Variants in ZNF136 observed in about 807,000 individuals in gnomAD.
ZNF136 encodes zinc finger protein 136 (clone pHZ-20).
A neutral mutation model predicts 11.4 loss-of-function variants in ZNF136; 8 were observed. The ratio of observed to expected loss-of-function variants is 0.70; its 90% CI spans 0.41 to 1.27. The LOEUF (loss-of-function observed/expected upper bound fraction) is 1.27, where lower values mean the gene tolerates loss of function less well. Among genes scored for constraint, ZNF136 ranks in the 50% most tolerant of loss-of-function variants. ZNF136 has a pLI of 0.01. For synonymous variants in ZNF136, 190 were observed against 207.1 expected (o/e 0.92, Z 0.71); for missense variants, 590 against 656.5 (o/e 0.90, Z 1.11).
intron 1 of ZNF136, among the ~76,000 whole-genome samples, chr19:12,172,873 G>T (rs1914696405): frequency 1.3e-5 from 2 of 152,124 alleles, no homozygotes; most frequent in South Asian, 4.1e-4. Flanking sequence ...TGAGCTGGGT[G>T]TGATGGTGCG....
At chr19:12,185,741 T>G in intron 1 of ZNF136, 44 bp from the exon 2 acceptor site, 1 of 1,596,962 alleles carries the variant, frequency 6.3e-7, no homozygotes, top group Non-Finnish European at 8.5e-7. Flanking sequence ...CCCAGCCCTG[T>G]CTGTCTCACC....
chr19:12,185,689 A>T lies in ZNF136; in HGVS notation c.4-96A>T, dbSNP rs1915061699. 22 of 1,470,988 alleles carry T rather than the reference A, an allele frequency of 1.5e-5. 1 individual carries two copies. In the South Asian group the frequency reaches 3.1e-4, roughly 20 times the overall value. 91.1% of individuals were successfully genotyped at this position (1,470,988 alleles called of 1,614,324 possible). On this transcript the variant is annotated intron_variant, in intron 1 of 3. Transcript: ENST00000343979. Reference sequence around the variant, plus strand: ...CAAACAGTGGAGTAAATGTTTGCAGACCCCTGAAACATGTGAACTTCTTAT... The same window carrying T: ...CAAACAGTGGAGTAAATGTTTGCAGTCCCCTGAAACATGTGAACTTCTTAT...
Position 12,186,683 on chromosome 19 carries a change from G to T in ZNF136, c.305G>T (p.Cys102Phe), listed in dbSNP as rs760377377. The change falls in exon 4 of 4, where the codon TGT becomes TTT. Residue 102 changes from cysteine (C) to phenylalanine (F), a missense_variant. Coordinates refer to ENST00000343979, the MANE Select transcript of ZNF136 (RefSeq NM_003437.5). ...LSKKIPGVKL[C>F]ESIVYGEVSM... is the part of the protein sequence containing the mutation. ...AAGAAAATCCCTGGAGTGAAACTCT[G>T]TGAAAGCATTGTATATGGAGAAGTC... The T allele has an allele frequency of 6.2e-7, 1 of 1,614,150 alleles. No homozygotes were observed. The highest frequency in any genetic ancestry group is 8.5e-7 in the Non-Finnish European group (1 of 1,180,020).
chr19:12,186,756 A>G lies in ZNF136; in HGVS notation c.378A>G (p.Gly126=). Residue 126 remains glycine, a synonymous_variant, in exon 4 of 4, where the codon GGA becomes GGG. Transcript: ENST00000343979. ...ATAGACACATCAAAGATCACAGTGGACATGAACCAAAGGAATATCAGGAAT... is the reference window on the plus strand; with the variant it reads ...ATAGACACATCAAAGATCACAGTGGGCATGAACCAAAGGAATATCAGGAAT... ...SLNRHIKDHS[G]HEPKEYQEYG... The G allele has an allele frequency of 6.2e-7, 1 of 1,614,200 alleles. No individual in the cohort carries two copies. The highest frequency in any genetic ancestry group is 1.3e-5 in the African/African-American group (1 of 75,080).
intron 1 of ZNF136, among the ~76,000 whole-genome samples, chr19:12,178,711 C>A (rs972830673): frequency 1.3e-5 from 2 of 151,284 alleles, no homozygotes; most frequent in Admixed American, 6.6e-5. Flanking sequence ...GTGAATCAGG[C>A]GGGGAGGGGT....
chr19:12,173,771 G>A (rs893730811), intron 1 of ZNF136, among the ~76,000 whole-genome samples: 33 of 152,154 alleles, frequency 2.2e-4, no homozygotes, highest in Admixed American at 2.0e-3. Flanking sequence ...CACTGCTGTC[G>A]GATGTGTGGG....
At chr19:12,174,966 C>T (rs530201281) in intron 1 of ZNF136, among the ~76,000 whole-genome samples, 4 of 150,646 alleles carry the variant, frequency 2.7e-5, no homozygotes, top group Non-Finnish European at 4.4e-5. Context: ...AAGCTGTTCT[C>T]CTGCCTCAGC....
chr19:12,170,667 A>AT (rs35653880), intron 1 of ZNF136, among the ~76,000 whole-genome samples: 34,134 of 142,202 alleles, frequency 0.24, 5,950 homozygotes, highest in African/African-American at 0.5. Flanking sequence ...TGCTTCATAA[A>AT]TTTTTTTTTT....
At position 12,188,010 on chromosome 19, in the gene ZNF136, G is replaced by C; in HGVS notation, c.*9G>C. The C allele has an allele frequency of 6.6e-7, 1 of 1,507,872 alleles. No homozygotes were observed. The highest frequency in any genetic ancestry group is 8.8e-7 in the Non-Finnish European group (1 of 1,131,142). 93.4% of individuals were successfully genotyped at this position (1,507,872 alleles called of 1,614,324 possible). A position where few individuals can be genotyped will look rare whatever the true frequency, so the allele number is the denominator to read the frequency against. On this transcript the variant is annotated 3_prime_UTR_variant, in exon 4 of 4. Coordinates refer to ENST00000343979, the MANE Select transcript of ZNF136 (RefSeq NM_003437.5). ...TGTGGGAAAGCCTTTAATGCTCTGG[G>C]TTCATGTCAGATACATTAAAATACT... is the stretch of plus-strand genomic sequence containing the variant.
chr19:12,170,705 G>A (rs1166147186), intron 1 of ZNF136, among the ~76,000 whole-genome samples: 2 of 147,824 alleles, frequency 1.4e-5, no homozygotes, highest in Non-Finnish European at 3.0e-5. Flanking sequence ...TCGCTCTGTC[G>A]CCAGGCCAGG....
Position 12,163,118 on chromosome 19 carries a change from G to C in ZNF136, c.-86G>C. ...TTCGCTAGTCCCAGAGGCCCAGAGT[G>C]GCTCGCCTGGAGTCTCTGTGGCGCG... On this transcript the variant is annotated 5_prime_UTR_variant, in exon 1 of 4. Transcript: ENST00000343979. 7 of 1,355,090 alleles carry C rather than the reference G, an allele frequency of 5.2e-6. No individual in the cohort carries two copies. Among genetic ancestry groups the C allele is most frequent in the Non-Finnish European group, 6.7e-6 (7 of 1,041,070 alleles). 83.9% of individuals were successfully genotyped at this position (1,355,090 alleles called of 1,614,324 possible).
At chr19:12,168,133 C>T (rs1350421429) in intron 1 of ZNF136, among the ~76,000 whole-genome samples, 5 of 122,592 alleles carry the variant, frequency 4.1e-5, no homozygotes, top group Non-Finnish European at 6.3e-5. Context: ...AGTGCAGTGG[C>T]GCGATCCCGG....
intron 3 of ZNF136, 68 bp downstream of exon 3, chr19:12,186,242 A>C (rs1915080163): frequency 6.8e-7 from 1 of 1,474,018 alleles, no homozygotes; most frequent in Non-Finnish European, 9.2e-7. Context: ...TTTTAAAAAC[A>C]GGCAAACATA....
chr19:12,170,252 C>G (rs920206912), intron 1 of ZNF136, among the ~76,000 whole-genome samples: 1 of 152,110 alleles, frequency 6.6e-6, no homozygotes, highest in African/African-American at 2.4e-5. Context: ...TGCCTCAGTC[C>G]GTTGCACACA....
chr19:12,172,058 A>G (rs1914668906), intron 1 of ZNF136, among the ~76,000 whole-genome samples: 1 of 144,082 alleles, frequency 6.9e-6, no homozygotes, highest in Admixed American at 7.3e-5. Context: ...GGCTCATTGC[A>G]GCCTTCGCCT....
At chr19:12,168,888 C>T (rs1227232541) in intron 1 of ZNF136, among the ~76,000 whole-genome samples, 2 of 151,804 alleles carry the variant, frequency 1.3e-5, no homozygotes, top group South Asian at 4.2e-4. Context: ...ATGTTGGCCA[C>T]GCTGGTCTCG....
intron 1 of ZNF136, among the ~76,000 whole-genome samples, chr19:12,180,507 A>G (rs1384916465): frequency 6.6e-6 from 1 of 152,232 alleles, no homozygotes; most frequent in Non-Finnish European, 1.5e-5. Flanking sequence ...TAAGAAGGAA[A>G]TAAGCACTTT....
At position 12,188,077 on chromosome 19, in the gene ZNF136, C is replaced by A; in HGVS notation, c.*76C>A. 7.7e-7 allele frequency: 1 copy of A among 1,306,462 alleles called. No individual in the cohort carries two copies. Among genetic ancestry groups the A allele is most frequent in the Non-Finnish European group, 1.0e-6 (1 of 987,478 alleles). The allele number at this position is 1,306,462 out of a possible 1,614,324, so 80.9% of individuals were successfully genotyped here. On this transcript the variant is annotated 3_prime_UTR_variant, in exon 4 of 4. Coordinates refer to ENST00000343979, the MANE Select transcript of ZNF136 (RefSeq NM_003437.5). ...TATGAATGTAAGTAACGTGGGAAAG[C>A]ATGAAATTCTGTCAGTGCCTTTTTT...
Position 12,174,254 on chromosome 19 carries a change from A to G in ZNF136, c.3+11048A>G, listed in dbSNP as rs141047724. Among the ~76,000 whole-genome samples the G allele has an allele frequency of 2.9e-4, 44 of 152,270 alleles. No individual in the cohort carries two copies. The East Asian group carries it at 7.5e-3, about 26-fold the overall frequency. On this transcript the variant is annotated intron_variant, in intron 1 of 3. Transcript: ENST00000343979. ...AAATCCCCACACAGTTGGTCACAGA[A>G]GCCTTTTGTGTTGATAGTTGTGGTG...
Sources: gnomAD v4.1 joint callset for allele counts (sites outside exome capture counted in the v4.1 genomes callset) on GRCh38, gnomAD v4.1.1 for gene constraint, MANE v1.5 for transcripts, NCBI Gene and HGNC (gene_info 2026-07-23, HGNC 2026-07-21) for gene names.